ARHGAP15: variants seen among roughly 807,000 people sequenced by gnomAD.
The protein encoded by ARHGAP15 is Rho GTPase activating protein 15, also known as rho GTPase-activating protein 15.
ARHGAP15 carries 51 observed loss-of-function variants against 63.7 expected under a neutral mutation model. The ratio of observed to expected loss-of-function variants is 0.80; its 90% confidence interval spans 0.64 to 1.01. The LOEUF (loss-of-function observed/expected upper bound fraction) is 1.01. ARHGAP15 is among the 50% of genes least tolerant of loss of function. ARHGAP15 has a pLI of 0.00. For missense variants in ARHGAP15, 560 were observed against 564.6 expected (o/e 0.99, Z 0.08); for synonymous variants, 191 against 193.8 (o/e 0.99, Z 0.12).
intron 11 of ARHGAP15, among the ~76,000 whole-genome samples, chr2:143,581,156 C>T (rs745926408): frequency 6.6e-6 from 1 of 152,144 alleles, no homozygotes; most frequent in Admixed American, 6.6e-5. Context: ...TTCAGGCATA[C>T]TCGATGGACT....
chr2:143,444,616 A>G (rs1690049029), intron 8 of ARHGAP15, among the ~76,000 whole-genome samples: 1 of 152,180 alleles, frequency 6.6e-6, no homozygotes, highest in African/African-American at 2.4e-5. Context: ...ATTCTAAAGA[A>G]GTAATTTGCT....
In ARHGAP15 at chr2:143,202,138, C is replaced by G; in HGVS notation, c.170C>G (p.Ser57Cys). The G allele has an allele frequency of 1.2e-6, 2 of 1,609,804 alleles. No individual in the cohort carries two copies. The highest frequency in any genetic ancestry group is 1.7e-6 in the Non-Finnish European group (2 of 1,176,592). The change falls in exon 3 of 14, where the codon TCC (serine) becomes TGC (cysteine). Residue 57 changes from serine to cysteine, a missense_variant. Physicochemically the swap from Ser to Cys is moderately radical, Grantham distance 112. Coordinates refer to ENST00000295095, the MANE Select transcript of ARHGAP15 (RefSeq NM_018460.4). ...CCAATGTCAATATATTTGCAGATAT[C>G]CAGACACAGAAGGAATCATTCACAG... is the stretch of plus-strand genomic sequence containing the variant. Reference protein sequence around the residue: ...TDVGKVTEPISRHRRNHSQHI... With the variant: ...TDVGKVTEPICRHRRNHSQHI...
At chr2:143,257,705 T>C (rs993635353) in intron 6 of ARHGAP15, among the ~76,000 whole-genome samples, 1 of 152,092 alleles carries the variant, frequency 6.6e-6, no homozygotes, top group Admixed American at 6.6e-5. Context: ...TGCAACGCAC[T>C]TTCTCTGTTT....
intron 6 of ARHGAP15, among the ~76,000 whole-genome samples, chr2:143,290,122 C>A (rs1682314925): frequency 6.6e-6 from 1 of 152,014 alleles, no homozygotes. Flanking sequence ...AAGCAGATAG[C>A]AAACTATCTA....
chr2:143,156,856 C>T (rs548447929), intron 2 of ARHGAP15, among the ~76,000 whole-genome samples: 22 of 151,932 alleles, frequency 1.4e-4, no homozygotes, highest in Non-Finnish European at 2.5e-4. Context: ...GCCAGCCTGA[C>T]TTTGCTTTTA....
chr2:143,524,824 A>T (rs1339097936), intron 10 of ARHGAP15, among the ~76,000 whole-genome samples: 2 of 152,254 alleles, frequency 1.3e-5, no homozygotes, highest in Non-Finnish European at 2.9e-5. Flanking sequence ...AATATTTGCC[A>T]TATACATGTT....
intron 2 of ARHGAP15, among the ~76,000 whole-genome samples, chr2:143,171,272 T>C (rs1690770433): frequency 6.6e-6 from 1 of 152,124 alleles, no homozygotes; most frequent in Non-Finnish European, 1.5e-5. Context: ...GAGTTTATGA[T>C]GTGCAAACCC....
chr2:143,307,648 A>C (rs1459096688), intron 6 of ARHGAP15, among the ~76,000 whole-genome samples: 1 of 152,128 alleles, frequency 6.6e-6, no homozygotes, highest in African/African-American at 2.4e-5. Flanking sequence ...AAGAGAGAGA[A>C]AAGAGAAACT....
chr2:143,147,895 T>C (rs779093310), intron 1 of ARHGAP15, among the ~76,000 whole-genome samples: 3 of 152,076 alleles, frequency 2.0e-5, no homozygotes, highest in Admixed American at 1.3e-4. Context: ...CCCACGAGCA[T>C]GTTATATATT....
At chr2:143,766,485 T>C (rs1386068878) in intron 13 of ARHGAP15, 2 of 152,160 alleles carry the variant, frequency 1.3e-5, no homozygotes, top group Admixed American at 6.5e-5. Flanking sequence ...TGCTGGCAAT[T>C]CACACATGCC....
At chr2:143,390,731 GCACACACACACACACA>G (rs3071055) in intron 6 of ARHGAP15, among the ~76,000 whole-genome samples, 11 of 147,590 alleles carry the variant, frequency 7.5e-5, no homozygotes, top group East Asian at 2.0e-4. Flanking sequence ...GAAAACACAT[GCACACACACACACACA>G]CACACACACA....
intron 7 of ARHGAP15, among the ~76,000 whole-genome samples, chr2:143,436,499 A>G (rs1275877406): frequency 6.6e-6 from 1 of 152,174 alleles, no homozygotes; most frequent in Admixed American, 6.6e-5. Flanking sequence ...GTGAGTGCAC[A>G]TACATACATA....
intron 6 of ARHGAP15, among the ~76,000 whole-genome samples, chr2:143,432,337 G>A (rs992558511): frequency 1.3e-5 from 2 of 151,822 alleles, no homozygotes; most frequent in African/African-American, 4.8e-5. Flanking sequence ...ATATTGATGA[G>A]AGTGTTACTT....
At chr2:143,281,110 A>G (rs956451220) in intron 6 of ARHGAP15, among the ~76,000 whole-genome samples, 18 of 152,160 alleles carry the variant, frequency 1.2e-4, no homozygotes. Flanking sequence ...CAAAGATTCC[A>G]GTCACTTTTC....
chr2:143,174,654 G>A (rs354698), intron 2 of ARHGAP15, among the ~76,000 whole-genome samples: 97,307 of 151,884 alleles, frequency 0.64, 31,524 homozygotes, highest in Non-Finnish European at 0.68. Flanking sequence ...GATGAGTTAT[G>A]AATTCAGTTG....
intron 1 of ARHGAP15, among the ~76,000 whole-genome samples, chr2:143,142,550 C>A (rs1024577950): frequency 6.6e-6 from 1 of 152,020 alleles, no homozygotes; most frequent in Admixed American, 6.6e-5. Flanking sequence ...TAAGTCATAA[C>A]AAATACATTT....
intron 6 of ARHGAP15, among the ~76,000 whole-genome samples, chr2:143,431,543 A>C (rs1024612638): frequency 7.2e-5 from 11 of 152,010 alleles, no homozygotes; most frequent in Non-Finnish European, 4.4e-5. Flanking sequence ...TATCATGACC[A>C]CCAGTTTATG....
intron 3 of ARHGAP15, among the ~76,000 whole-genome samples, chr2:143,207,300 G>T (rs1051532007): frequency 2.6e-5 from 4 of 151,830 alleles, no homozygotes; most frequent in African/African-American, 9.7e-5. Context: ...AGATCTATTT[G>T]CCCAATACTC....
intron 13 of ARHGAP15, among the ~76,000 whole-genome samples, chr2:143,734,774 G>A (rs1025706578): frequency 3.3e-5 from 5 of 152,042 alleles, no homozygotes; most frequent in Non-Finnish European, 2.9e-5. Flanking sequence ...GATTGTACCT[G>A]AATGGATTTC....
Sources: gnomAD v4.1 joint callset for allele counts (sites outside exome capture counted in the v4.1 genomes callset) on GRCh38, gnomAD v4.1.1 for gene constraint, MANE v1.5 for transcripts, NCBI Gene and HGNC (gene_info 2026-07-23, HGNC 2026-07-21) for gene names.